BAZ1A: variants seen among roughly 807,000 people sequenced by gnomAD.
The protein encoded by BAZ1A is bromodomain adjacent to zinc finger domain protein 1A.
Under a neutral mutation model 185.2 loss-of-function variants are expected in BAZ1A, and 50 were observed. The ratio of observed to expected loss-of-function variants is 0.27; its 90% CI spans 0.22 to 0.34. The LOEUF is 0.34. Ranked by LOEUF, BAZ1A falls within the 10% of genes least tolerant of loss-of-function variation. BAZ1A has a pLI of 1.00. For missense variants in BAZ1A, 1,356 were observed against 1,839.9 expected (o/e 0.74, Z 4.81); for synonymous variants, 571 against 615.6 (o/e 0.93, Z 1.07).
chr14:34,793,121 C>T lies in BAZ1A; in HGVS notation c.1364-200G>A, dbSNP rs74043558. Among the ~76,000 whole-genome samples, 1,427 of 152,194 alleles carry T rather than the reference C, an allele frequency of 9.4e-3. 23 individuals are homozygous for T. Among genetic ancestry groups the T allele is most frequent in the African/African-American group, 0.033 (1,372 of 41,516 alleles). ...AATAAAATACAATAAAATCGTAAGC[C>T]AAAGTCACCTCATTCAAGTAAGTCA... On this transcript the variant is annotated intron_variant, in intron 11 of 26. Coordinates refer to ENST00000360310, the MANE Select transcript of BAZ1A (RefSeq NM_013448.3).
At chr14:34,782,630 C>T (rs767828691) in intron 16 of BAZ1A, among the ~76,000 whole-genome samples, 2 of 152,012 alleles carry the variant, frequency 1.3e-5, no homozygotes, top group African/African-American at 2.4e-5. Context: ...TATTTTTATA[C>T]ACAAGTATTA....
intron 3 of BAZ1A, among the ~76,000 whole-genome samples, chr14:34,843,605 G>C (rs1213011372): frequency 6.6e-6 from 1 of 152,132 alleles, no homozygotes; most frequent in Non-Finnish European, 1.5e-5. Flanking sequence ...AATGTTTACT[G>C]ATTTAGGCCA....
At chr14:34,777,302 A>G (rs141512405) in intron 17 of BAZ1A, among the ~76,000 whole-genome samples, 24 of 152,306 alleles carry the variant, frequency 1.6e-4, no homozygotes, top group African/African-American at 2.6e-4. Context: ...ATTTCATATA[A>G]TTTTCACTTA....
chr14:34,847,585 C>A (rs1026410199), intron 3 of BAZ1A, among the ~76,000 whole-genome samples: 1 of 152,128 alleles, frequency 6.6e-6, no homozygotes, highest in Non-Finnish European at 1.5e-5. Context: ...CTTGATTAAT[C>A]CCACATGTAC....
intron 3 of BAZ1A, among the ~76,000 whole-genome samples, chr14:34,829,268 A>G (rs1166595511): frequency 8.7e-5 from 2 of 22,950 alleles, no homozygotes; most frequent in African/African-American, 1.4e-4. Flanking sequence ...TCTGTCTCTG[A>G]AAAAAAAAAA....
intron 4 of BAZ1A, among the ~76,000 whole-genome samples, chr14:34,822,548 G>C: frequency 6.6e-6 from 1 of 152,052 alleles, no homozygotes; most frequent in East Asian, 1.9e-4. Context: ...AGGAGGTCGA[G>C]GCTGCAGTGA....
chr14:34,758,229 C>T (rs1886353862), intron 25 of BAZ1A, among the ~76,000 whole-genome samples: 1 of 151,586 alleles, frequency 6.6e-6, no homozygotes, highest in African/African-American at 2.4e-5. Flanking sequence ...CTGCAGCGAA[C>T]CAAAATATGC....
At chr14:34,790,996 C>T (rs547787500) in intron 12 of BAZ1A, among the ~76,000 whole-genome samples, 118 of 152,136 alleles carry the variant, frequency 7.8e-4, no homozygotes, top group African/African-American at 2.7e-3. Context: ...GTGGCGCATA[C>T]CTGTAATCCC....
In BAZ1A at chr14:34,844,592, C is replaced by T. The variant is rs556345237; in HGVS notation, c.392+17452G>A. On this transcript the variant is annotated intron_variant, in intron 3 of 26. Coordinates refer to ENST00000360310, the MANE Select transcript of BAZ1A (RefSeq NM_013448.3). ...AGGAGTTTGAGACCAGCCTGGGCAA[C>T]GCAGGGAGACCCTGTTTCTACAAAA... Among the ~76,000 whole-genome samples the T allele has an allele frequency of 4.0e-4, 60 of 151,020 alleles. No individual in the cohort carries two copies. The South Asian group carries it at 0.011, about 28-fold the overall frequency.
chr14:34,816,595 C>T (rs1245808011), intron 4 of BAZ1A: 2 of 174,328 alleles, frequency 1.1e-5, no homozygotes, highest in East Asian at 3.2e-4. Context: ...AGCCTGATAG[C>T]TTTAAATCAC....
rs1397861035 is a variant in BAZ1A, at chr14:34,764,406, C to T, written c.3776+301G>A. On this transcript the variant is annotated intron_variant, in intron 23 of 26. Coordinates refer to ENST00000360310, the MANE Select transcript of BAZ1A (RefSeq NM_013448.3). The stretch of plus-strand genomic sequence containing the variant: ...CTCCCGGGTTCAAGCAGCTCTCCTA[C>T]CTCAGCCTCCCGAGTAGCTGGGATT... Among the ~76,000 whole-genome samples the T allele has an allele frequency of 2.7e-5, 4 of 150,204 alleles. No homozygotes were observed. In the East Asian group the frequency reaches 6.0e-4, roughly 23 times the overall value.
At chr14:34,791,645 T>C (rs1880853705) in intron 12 of BAZ1A, among the ~76,000 whole-genome samples, 1 of 152,198 alleles carries the variant, frequency 6.6e-6, no homozygotes. Flanking sequence ...ACTGGAGGAA[T>C]GTCCCATCTT....
Position 34,773,944 on chromosome 14 carries a change from A to G in BAZ1A, c.2998-218T>C, listed in dbSNP as rs147994916. On this transcript the variant is annotated intron_variant, in intron 19 of 26. Coordinates refer to ENST00000360310, the MANE Select transcript of BAZ1A (RefSeq NM_013448.3). Reference sequence around the variant, plus strand: ...GCCTTACTTTCTGTATAAATAAATCATAAACAGTTCTAAGATTGGTCACTT... The same window carrying G: ...GCCTTACTTTCTGTATAAATAAATCGTAAACAGTTCTAAGATTGGTCACTT... 6.8e-3 allele frequency among the ~76,000 whole-genome samples: 1,037 copies of G among 152,368 alleles called. 13 individuals carry two copies. The highest frequency in any genetic ancestry group is 0.024 in the African/African-American group (996 of 41,588).
intron 3 of BAZ1A, among the ~76,000 whole-genome samples, chr14:34,839,361 GA>G (rs2042376742): frequency 6.6e-6 from 1 of 151,298 alleles, no homozygotes; most frequent in Admixed American, 6.6e-5. Context: ...GCAACATGGT[GA>G]AACTCTATGT....
rs1880418372 is a variant in BAZ1A, at chr14:34,786,056, C to T, written c.1607-55G>A. The T allele has an allele frequency of 3.8e-6, 6 of 1,576,956 alleles. No individual in the cohort carries two copies. In the Admixed American group the frequency reaches 5.5e-5, roughly 14 times the overall value. The stretch of plus-strand genomic sequence containing the variant: ...TAGAATATAAACAATAAATACTCAG[C>T]AATGTAAATGTGCCTTTATAAAATT... On this transcript the variant is annotated intron_variant, in intron 13 of 26. Coordinates refer to ENST00000360310, the MANE Select transcript of BAZ1A (RefSeq NM_013448.3).
chr14:34,874,491 C>T lies in BAZ1A; in HGVS notation c.113+1G>A. 2 of 1,612,158 alleles carry T rather than the reference C, an allele frequency of 1.2e-6. No individual in the cohort carries two copies. The highest frequency in any genetic ancestry group is 1.7e-6 in the Non-Finnish European group (2 of 1,178,972). ...GGCCCCGCACACGGCCCGGCTCTTA[C>T]TCGTAGTGGCGGAAGATCTCGTTGG... On this transcript the variant is annotated splice_donor_variant, in intron 2 of 26. Transcript: ENST00000360310. LOFTEE classifies it high-confidence loss of function. This position sits in a 1 kb window ranked among gnomAD's most constrained non-coding sequence, Gnocchi z 4.7.
At chr14:34,802,739 G>C in intron 7 of BAZ1A, 115 bp downstream of exon 7, 1 of 1,093,036 alleles carries the variant, frequency 9.1e-7, no homozygotes, top group Non-Finnish European at 1.3e-6. Flanking sequence ...TTTTTGGTGA[G>C]GTAATGAGTT....
chr14:34,811,343 A>G (rs1015205005), intron 4 of BAZ1A, among the ~76,000 whole-genome samples: 3 of 152,102 alleles, frequency 2.0e-5, no homozygotes, highest in Non-Finnish European at 4.4e-5. Context: ...GCGTTTCACC[A>G]TTGGTCAGGC....
intron 3 of BAZ1A, among the ~76,000 whole-genome samples, chr14:34,831,185 T>C (rs2042237238): frequency 6.6e-6 from 1 of 152,366 alleles, no homozygotes; most frequent in South Asian, 2.1e-4. Flanking sequence ...TTACCAGCTC[T>C]ATTCTCCTAG....
Sources: gnomAD v4.1 joint callset for allele counts (sites outside exome capture counted in the v4.1 genomes callset) on GRCh38, gnomAD v4.1.1 for gene constraint, Gnocchi (gnomAD v3.1) non-coding constraint, MANE v1.5 for transcripts, NCBI Gene and HGNC (gene_info 2026-07-23, HGNC 2026-07-21) for gene names.